FMOD: variants seen among roughly 807,000 people sequenced by gnomAD.
FMOD encodes the protein fibromodulin.
Under a neutral mutation model 27.0 loss-of-function variants are expected in FMOD, and 15 were observed. The ratio of observed to expected loss-of-function variants is 0.55; its 90% CI spans 0.37 to 0.85. The LOEUF (loss-of-function observed/expected upper bound fraction) is 0.85, where lower values mean the gene tolerates loss of function less well. FMOD is among the 40% of genes least tolerant of loss of function. The probability of loss-of-function intolerance (pLI) is 0.00; values close to 1 mark genes in which losing one functional copy is unlikely to be tolerated. For missense variants in FMOD, 460 were observed against 483.2 expected, an observed-to-expected ratio of 0.95 and a Z score of 0.45; for synonymous variants, 210 against 214.0, an observed-to-expected ratio of 0.98 and a Z score of 0.16.
intron 2 of FMOD, among the ~76,000 whole-genome samples, chr1:203,346,578 T>C (rs1034320889): frequency 4.6e-5 from 7 of 151,596 alleles, no homozygotes; most frequent in African/African-American, 1.7e-4. Flanking sequence ...GTAGTCAGGC[T>C]CATGTTACCC....
chr1:203,345,434 C>T (rs565351593), intron 2 of FMOD, among the ~76,000 whole-genome samples: 2 of 152,346 alleles, frequency 1.3e-5, no homozygotes, highest in East Asian at 3.9e-4. Flanking sequence ...GACAGCTGTT[C>T]TTTGCTGTCA....
At chr1:203,348,341 C>G in intron 1 of FMOD, 64 bp from the exon 2 acceptor site, 1 of 1,526,558 alleles carries the variant, frequency 6.6e-7, no homozygotes, top group South Asian at 1.2e-5. Context: ...GGCAGTGAGG[C>G]AGAGTAGGCA....
intron 1 of FMOD, among the ~76,000 whole-genome samples, chr1:203,350,439 G>GATCTCTC (rs1162992533): frequency 1.3e-5 from 2 of 152,090 alleles, no homozygotes; most frequent in Non-Finnish European, 2.9e-5. Flanking sequence ...TCTAGAGAAA[G>GATCTCTC]ATCTCTCCCT....
chr1:203,348,134 G>A lies in FMOD; in HGVS notation c.137C>T (p.Pro46Leu), dbSNP rs200315118. 8.7e-6 allele frequency: 14 copies of A among 1,614,044 alleles called. No individual in the cohort carries two copies. The East Asian group carries it at 1.1e-4, about 13-fold the overall frequency. ...GGGGTAAGGCTCGTAGGTCTCATAC[G>A]GGTAAGGGTCATAGGGATCGTAGTA... is the stretch of plus-strand genomic sequence containing the variant. Reference protein sequence around the residue: ...STYYDPYDPYPYETYEPYPYG... With the variant: ...STYYDPYDPYLYETYEPYPYG... Residue 46 changes from proline (P) to leucine (L), a missense_variant, in exon 2 of 3, where the codon CCG becomes CTG. By Grantham distance (98) the Pro-to-Leu change is moderately conservative (BLOSUM62 -3). Transcript: ENST00000354955.
intron 2 of FMOD, among the ~76,000 whole-genome samples, chr1:203,345,659 G>A (rs1166224204): frequency 6.6e-6 from 1 of 152,168 alleles, no homozygotes; most frequent in Non-Finnish European, 1.5e-5. Flanking sequence ...AGCACTTTGG[G>A]AGGCCGAGGC....
chr1:203,347,913 T>A lies in FMOD; in HGVS notation c.358A>T (p.Ile120Phe). 6.2e-7 allele frequency: 1 copy of A among 1,613,236 alleles called. No individual in the cohort carries two copies. The highest frequency in any genetic ancestry group is 8.5e-7 in the Non-Finnish European group (1 of 1,179,276). The change falls in exon 2 of 3, where the codon ATC becomes TTC. Residue 120 changes from isoleucine (I) to phenylalanine (F), a missense_variant. Physicochemically the swap from Ile to Phe is conservative, Grantham distance 21 (BLOSUM62 0). Coordinates refer to ENST00000354955, the MANE Select transcript of FMOD (RefSeq NM_002023.5). ...GCATTGTCAAAGACGCCTTCCTGGA[T>A]GGAGGTGATCTGGTTGTTCTGGAAG... Reference protein sequence around the residue: ...VYFQNNQITSIQEGVFDNATG... With the variant: ...VYFQNNQITSFQEGVFDNATG...
chr1:203,344,430 G>A (rs1174308133), intron 2 of FMOD, among the ~76,000 whole-genome samples: 2 of 152,144 alleles, frequency 1.3e-5, no homozygotes, highest in African/African-American at 4.8e-5. Flanking sequence ...GAATAGGACA[G>A]GCTTCTGCGT....
At chr1:203,349,489 G>T (rs1658955477) in intron 1 of FMOD, among the ~76,000 whole-genome samples, 1 of 152,194 alleles carries the variant, frequency 6.6e-6, no homozygotes, top group African/African-American at 2.4e-5. Context: ...GAAGGTAAGA[G>T]ACTAGGGGTG....
rs377172235 is a variant in FMOD at position 203,347,494 on chromosome 1, G to A, written c.777C>T (p.Val259=). 2.5e-6 allele frequency: 4 copies of A among 1,614,198 alleles called. No homozygotes were observed. The highest frequency in any genetic ancestry group is 3.4e-6 in the Non-Finnish European group (4 of 1,180,040). ...LYMEHNNVYT[V]PDSYFRGAPK... is the part of the protein sequence containing the mutation. Reference sequence around the variant, plus strand: ...GCGCCCCCCGGAAGTAGCTATCGGGGACGGTGTAGACATTGTTGTGCTCCA... The same window carrying A: ...GCGCCCCCCGGAAGTAGCTATCGGGAACGGTGTAGACATTGTTGTGCTCCA... Residue 259 remains valine, a synonymous_variant, in exon 2 of 3, where the codon GTC becomes GTT. Coordinates refer to ENST00000354955, the MANE Select transcript of FMOD (RefSeq NM_002023.5).
At chr1:203,347,114 C>G (rs1234073624) in intron 2 of FMOD, among the ~76,000 whole-genome samples, 178 bp downstream of exon 2, 1 of 152,198 alleles carries the variant, frequency 6.6e-6, no homozygotes, top group Non-Finnish European at 1.5e-5. Flanking sequence ...CTTAGCACTG[C>G]TATTTAGTAT....
At chr1:203,345,784 G>C (rs1658877051) in intron 2 of FMOD, among the ~76,000 whole-genome samples, 1 of 151,852 alleles carries the variant, frequency 6.6e-6, no homozygotes, top group African/African-American at 2.4e-5. Flanking sequence ...TGTAGTCGCA[G>C]CTACTCAAGA....
chr1:203,347,992 G>T lies in FMOD; in HGVS notation c.279C>A (p.Asp93Glu), dbSNP rs1236730094. 9 of 1,604,458 alleles carry T rather than the reference G, an allele frequency of 5.6e-6. No individual in the cohort carries two copies. The African/African-American group carries it at 1.2e-4, about 21-fold the overall frequency. Residue 93 changes from aspartate (D) to glutamate (E), a missense_variant, in exon 2 of 3, where the codon GAC (aspartate) becomes GAA (glutamate). Asp to Glu is a conservative substitution (Grantham distance 45). Coordinates refer to ENST00000354955, the MANE Select transcript of FMOD (RefSeq NM_002023.5). ...PPNFPTAMYC[D>E]NRNLKYLPFV... Reference sequence around the variant, plus strand: ...AGGGCAGGTACTTGAGGTTGCGATTGTCACAGTACATGGCCGTGGGGAAGT... The same window carrying T: ...AGGGCAGGTACTTGAGGTTGCGATTTTCACAGTACATGGCCGTGGGGAAGT...
intron 1 of FMOD, among the ~76,000 whole-genome samples, chr1:203,349,397 G>A (rs763893867): frequency 5.9e-5 from 9 of 152,192 alleles, no homozygotes; most frequent in Non-Finnish European, 1.0e-4. Context: ...TTTTGAACCT[G>A]TTGTGCTAAT....
rs1422522840 is a variant in FMOD, at chr1:203,341,709, A to G, written c.*634T>C. ...TCCAGGGGTGAGGTTAGGGAGGTATAGAAGTGACTCCTGGTGTCCTTTCAC... is the reference window on the plus strand; with the variant it reads ...TCCAGGGGTGAGGTTAGGGAGGTATGGAAGTGACTCCTGGTGTCCTTTCAC... On this transcript the variant is annotated 3_prime_UTR_variant, in exon 3 of 3. Transcript: ENST00000354955. 6.6e-6 allele frequency: 1 copy of G among 152,274 alleles called. No individual in the cohort carries two copies. The highest frequency in any genetic ancestry group is 1.5e-5 in the Non-Finnish European group (1 of 68,118). 9.4% of individuals were successfully genotyped at this position (152,274 alleles called of 1,614,324 possible). A position where few individuals can be genotyped will look rare whatever the true frequency, so the allele number is the denominator to read the frequency against.
Position 203,347,456 on chromosome 1 carries a change from T to C in FMOD, c.815A>G (p.Tyr272Cys), listed in dbSNP as rs761488097. The change falls in exon 2 of 3, where the codon TAT (tyrosine) becomes TGT (cysteine). Residue 272 changes from tyrosine to cysteine, a missense_variant. Coordinates refer to ENST00000354955, the MANE Select transcript of FMOD (RefSeq NM_002023.5). ...TAGACTGTTGTGGGACAGCCGCACA[T>C]ACAGCAGCTTGGGCGCCCCCCGGAA... is the stretch of plus-strand genomic sequence containing the variant. ...SYFRGAPKLL[Y>C]VRLSHNSLTN... 4 of 1,614,006 alleles carry C rather than the reference T, an allele frequency of 2.5e-6. No individual in the cohort carries two copies. The African/African-American group carries it at 5.3e-5, about 22-fold the overall frequency.
Position 203,347,404 on chromosome 1 carries a change from G to A in FMOD, c.867C>T (p.Thr289=). Residue 289 remains threonine (T), a synonymous_variant, in exon 2 of 3, where the codon ACC becomes ACT. Transcript: ENST00000354955. ...SLTNNGLASN[T]FNSSSLLELD... Reference sequence around the variant, plus strand: ...GCTCAAGGAGGCTGCTGGAATTGAAGGTGTTGGAGGCCAGGCCATTGTTGG... The same window carrying A: ...GCTCAAGGAGGCTGCTGGAATTGAAAGTGTTGGAGGCCAGGCCATTGTTGG... 3.1e-6 allele frequency: 5 copies of A among 1,614,200 alleles called. No individual in the cohort carries two copies. The highest frequency in any genetic ancestry group is 4.2e-6 in the Non-Finnish European group (5 of 1,180,036).
intron 2 of FMOD, among the ~76,000 whole-genome samples, chr1:203,344,917 A>G (rs1377811841): frequency 6.6e-6 from 1 of 152,144 alleles, no homozygotes; most frequent in Non-Finnish European, 1.5e-5. Flanking sequence ...GGACTTTGAG[A>G]GATGGCTTTA....
At chr1:203,344,921 G>A (rs940510337) in intron 2 of FMOD, among the ~76,000 whole-genome samples, 3 of 152,156 alleles carry the variant, frequency 2.0e-5, no homozygotes, top group Non-Finnish European at 4.4e-5. Context: ...TTTGAGAGAT[G>A]GCTTTACCTT....
chr1:203,345,885 G>A (rs571559603), intron 2 of FMOD, among the ~76,000 whole-genome samples: 3 of 105,646 alleles, frequency 2.8e-5, no homozygotes, highest in Admixed American at 1.1e-4. Flanking sequence ...GTGACAGAGC[G>A]AGACTCTGTC....
Sources: allele counts gnomAD v4.1 joint callset (sites outside exome capture counted in the v4.1 genomes callset), GRCh38; gene constraint gnomAD v4.1.1; transcripts MANE v1.5; gene names NCBI Gene and HGNC (gene_info 2026-07-23, HGNC 2026-07-21).